Variants in PPARD observed in about 807,000 individuals in gnomAD.
The protein encoded by PPARD is peroxisome proliferator-activated receptor delta.
Under a neutral mutation model 39.5 loss-of-function variants are expected in PPARD, and 6 were observed. The ratio of observed to expected loss-of-function variants is 0.15; its 90% CI spans 0.08 to 0.30. The LOEUF (loss-of-function observed/expected upper bound fraction) is 0.30. PPARD is among the 10% of genes least tolerant of loss of function. The pLI is 1.00. For synonymous variants in PPARD, 210 were observed against 231.3 expected (o/e 0.91, Z 0.83); for missense variants, 397 against 596.8 (o/e 0.67, Z 3.49).
chr6:35,411,957 C>T (rs1765459304), intron 3 of PPARD, among the ~76,000 whole-genome samples: 1 of 152,146 alleles, frequency 6.6e-6, no homozygotes. Flanking sequence ...GAGACAAAGT[C>T]TCCTTCTGTT....
chr6:35,386,492 A>AAAACAAAC (rs139917526), intron 2 of PPARD, among the ~76,000 whole-genome samples: 6 of 151,654 alleles, frequency 4.0e-5, no homozygotes, highest in African/African-American at 1.5e-4. Context: ...CCCCATCTTA[A>AAAACAAAC]AAACAAACAA....
chr6:35,409,948 T>C lies in PPARD; in HGVS notation c.-101-1039T>C, dbSNP rs188559021. Among the ~76,000 whole-genome samples the C allele has an allele frequency of 3.3e-5, 5 of 152,240 alleles. No homozygotes were observed. The East Asian group carries it at 9.6e-4, about 29-fold the overall frequency. Reference sequence around the variant, plus strand: ...TTTAAAAACTCCCCAGTGACTACAGTGTACAGCCGAGTTGGCAGGTCTAGA... The same window carrying C: ...TTTAAAAACTCCCCAGTGACTACAGCGTACAGCCGAGTTGGCAGGTCTAGA... On this transcript the variant is annotated intron_variant, in intron 2 of 7. Transcript: ENST00000360694.
In PPARD at chr6:35,366,279, TA is replaced by T. The variant is rs1454281669; in HGVS notation, c.-102+19131del. On this transcript the variant is annotated intron_variant, in intron 2 of 7. Coordinates refer to ENST00000360694, the MANE Select transcript of PPARD (RefSeq NM_006238.5). This position sits in a 1 kb window ranked among gnomAD's most constrained non-coding sequence, Gnocchi z 4.6. Reference sequence around the variant, plus strand: ...GGCTGACTCTAATAGCAAGTTGCAGTAAGGATAGGATTGGCCAAGGCAACAG... The same window carrying T: ...GGCTGACTCTAATAGCAAGTTGCAGTAGGATAGGATTGGCCAAGGCAACAG... Among the ~76,000 whole-genome samples the T allele has an allele frequency of 2.0e-5, 3 of 151,816 alleles. No individual in the cohort carries two copies. The highest frequency in any genetic ancestry group is 2.1e-4 in the South Asian group (1 of 4,828).
intron 2 of PPARD, among the ~76,000 whole-genome samples, chr6:35,349,215 C>T (rs1007752973): frequency 6.6e-6 from 1 of 151,702 alleles, no homozygotes; most frequent in African/African-American, 2.4e-5. Context: ...TTAGTAGAGA[C>T]GGGGTTTCAC....
At chr6:35,407,357 G>A (rs999502314) in intron 2 of PPARD, among the ~76,000 whole-genome samples, 5 of 151,910 alleles carry the variant, frequency 3.3e-5, no homozygotes, top group Middle Eastern at 3.4e-3. Flanking sequence ...GGGCTCTGCC[G>A]CCACTGCGCT....
chr6:35,347,619 T>G (rs1226563399), intron 2 of PPARD, among the ~76,000 whole-genome samples: 1 of 152,056 alleles, frequency 6.6e-6, no homozygotes, highest in Non-Finnish European at 1.5e-5. Context: ...TTTGTTTGTT[T>G]GTTTTTGAGA....
chr6:35,385,686 C>T (rs536924350), intron 2 of PPARD, among the ~76,000 whole-genome samples: 90 of 150,666 alleles, frequency 6.0e-4, no homozygotes, highest in African/African-American at 2.1e-3. Context: ...TAACTTGCTG[C>T]CTGCCAGGGA....
At chr6:35,370,867 C>A (rs1762448041) in intron 2 of PPARD, among the ~76,000 whole-genome samples, 1 of 152,204 alleles carries the variant, frequency 6.6e-6, no homozygotes, top group African/African-American at 2.4e-5. Context: ...AGGGAGCTCA[C>A]ACGAGCCCCA....
chr6:35,367,071 G>A (rs1050606240), intron 2 of PPARD, among the ~76,000 whole-genome samples: 3 of 152,142 alleles, frequency 2.0e-5, no homozygotes, highest in Non-Finnish European at 4.4e-5. Context: ...GGGGAGGTGA[G>A]GTTTTGTCCG....
chr6:35,421,659 G>A lies in PPARD; in HGVS notation c.286-161G>A, dbSNP rs752695470. On this transcript the variant is annotated intron_variant, in intron 4 of 7. Coordinates refer to ENST00000360694, the MANE Select transcript of PPARD (RefSeq NM_006238.5). ...CTGAACTAAAATAGTTTTAATTAAA[G>A]TTTTAGAATTACTTTCCTTCTCCAT... Among the ~76,000 whole-genome samples the A allele has an allele frequency of 2.0e-5, 3 of 152,272 alleles. No individual in the cohort carries two copies. The South Asian group carries it at 6.2e-4, about 32-fold the overall frequency.
intron 3 of PPARD, among the ~76,000 whole-genome samples, chr6:35,415,219 C>G (rs1262536763): frequency 6.6e-6 from 1 of 152,218 alleles, no homozygotes; most frequent in Non-Finnish European, 1.5e-5. Flanking sequence ...AGTGCCTGTC[C>G]CAAGGAGCCC....
chr6:35,393,096 G>A (rs1378277736), intron 2 of PPARD, among the ~76,000 whole-genome samples: 1 of 152,152 alleles, frequency 6.6e-6, no homozygotes, highest in Non-Finnish European at 1.5e-5. Flanking sequence ...TCAGGGCCAG[G>A]ACCAGGGCCA....
chr6:35,395,233 A>C (rs1195537685), intron 2 of PPARD, among the ~76,000 whole-genome samples: 1 of 152,196 alleles, frequency 6.6e-6, no homozygotes, highest in Non-Finnish European at 1.5e-5. Context: ...GTTTACAGAC[A>C]ATATGAGACA....
intron 2 of PPARD, among the ~76,000 whole-genome samples, chr6:35,368,618 C>A (rs1762326819): frequency 6.6e-6 from 1 of 152,156 alleles, no homozygotes; most frequent in African/African-American, 2.4e-5. Flanking sequence ...CCTCCCTCAG[C>A]CCAGTCATTT....
chr6:35,357,561 C>T (rs1761688589), intron 2 of PPARD, among the ~76,000 whole-genome samples: 1 of 146,818 alleles, frequency 6.8e-6, no homozygotes, highest in African/African-American at 2.5e-5. Context: ...TTTTTTAAGA[C>T]AGTCTCACTC....
intron 2 of PPARD, among the ~76,000 whole-genome samples, chr6:35,368,470 A>G (rs1302128042): frequency 2.0e-5 from 3 of 152,194 alleles, no homozygotes. Flanking sequence ...TTTGGGGAAA[A>G]TGTAGATTCC....
chr6:35,342,872 T>G (rs9658060), intron 1 of PPARD, among the ~76,000 whole-genome samples, 191 bp downstream of exon 1: 4,333 of 152,262 alleles, frequency 0.028, 173 homozygotes, highest in African/African-American at 0.083. Context: ...CCGTCGTGCG[T>G]TGCCATGTAG....
chr6:35,386,290 T>C (rs1412168296), intron 2 of PPARD, among the ~76,000 whole-genome samples: 1 of 151,650 alleles, frequency 6.6e-6, no homozygotes, highest in Non-Finnish European at 1.5e-5. Context: ...CTTACCACGA[T>C]GCATAGTGAG....
chr6:35,389,020 G>C (rs1414347667), intron 2 of PPARD, among the ~76,000 whole-genome samples: 1 of 152,010 alleles, frequency 6.6e-6, no homozygotes, highest in Non-Finnish European at 1.5e-5. Flanking sequence ...GAGGTCAGAA[G>C]AGTGGTTTAC....
Sources: allele counts gnomAD v4.1 joint callset (sites outside exome capture counted in the v4.1 genomes callset), GRCh38; gene constraint gnomAD v4.1.1; non-coding constraint Gnocchi (gnomAD v3.1); transcripts MANE v1.5; gene names NCBI Gene and HGNC (gene_info 2026-07-23, HGNC 2026-07-21).